The following PARPBP variants were observed in gnomAD, a reference collection of about 807,000 sequenced individuals.
PARPBP encodes PARP1 binding protein.
Under a neutral mutation model 50.0 loss-of-function variants are expected in PARPBP, and 52 were observed. The ratio of observed to expected loss-of-function variants is 1.04; its 90% CI spans 0.83 to 1.31. The LOEUF (loss-of-function observed/expected upper bound fraction) is 1.31, where lower values mean the gene tolerates loss of function less well. Ranked by LOEUF, PARPBP falls within the 50% of genes most tolerant of loss-of-function variation. The pLI, the probability that PARPBP is intolerant of heterozygous loss-of-function variation, is 0.00. For synonymous variants in PARPBP, 244 were observed against 232.1 expected (o/e 1.05, Z -0.47); for missense variants, 697 against 672.0 (o/e 1.04, Z -0.41).
chr12:102,159,734 C>CT (rs1168779698), intron 4 of PARPBP, among the ~76,000 whole-genome samples: 9 of 151,024 alleles, frequency 6.0e-5, no homozygotes, highest in African/African-American at 1.7e-4. Context: ...TTTTGTCCAA[C>CT]TTTTTTTTTG....
chr12:102,186,171 T>TA (rs946068616), intron 9 of PARPBP, among the ~76,000 whole-genome samples: 1 of 152,112 alleles, frequency 6.6e-6, no homozygotes, highest in Non-Finnish European at 1.5e-5. Context: ...TCTCCTTTTT[T>TA]AAAAAAATTT....
intron 2 of PARPBP, among the ~76,000 whole-genome samples, chr12:102,129,602 T>C (rs970627024): frequency 6.6e-6 from 1 of 152,208 alleles, no homozygotes; most frequent in Non-Finnish European, 1.5e-5. Flanking sequence ...ATTTAAGCCT[T>C]TAATACATTT....
intron 6 of PARPBP, among the ~76,000 whole-genome samples, chr12:102,174,218 T>C (rs567714676): frequency 6.6e-6 from 1 of 152,132 alleles, no homozygotes; most frequent in South Asian, 2.1e-4. Context: ...AATGCAAACA[T>C]TTAGTGCTCT....
At chr12:102,138,974 C>T (rs76646854) in intron 2 of PARPBP, among the ~76,000 whole-genome samples, 6,831 of 152,116 alleles carry the variant, frequency 0.045, 409 homozygotes, top group East Asian at 0.29. Flanking sequence ...AATGTGGGCT[C>T]TTTTTTGGTT....
In PARPBP at chr12:102,196,036, A is replaced by C. The variant is rs1212489821; in HGVS notation, c.1485A>C (p.Val495=). 5 of 1,611,400 alleles carry C rather than the reference A, an allele frequency of 3.1e-6. No individual in the cohort carries two copies. Among genetic ancestry groups the C allele is most frequent in the Non-Finnish European group, 4.2e-6 (5 of 1,178,498 alleles). The change falls in exon 11 of 11, where the codon GTA becomes GTC. Residue 495 remains valine, a synonymous_variant. Transcript: ENST00000327680. ...VHLDRSKNEK[V]SRKSTSQTGN... is the part of the protein sequence containing the mutation. ...TGGACAGAAGTAAAAATGAAAAAGT[A>C]TCAAGAAAATCAACCAGTCAGACAG...
chr12:102,175,619 CAAG>C lies in PARPBP; in HGVS notation c.962_964del (p.Glu321del). 4 of 1,613,514 alleles carry C rather than the reference CAAG, an allele frequency of 2.5e-6. No individual in the cohort carries two copies. Among genetic ancestry groups the C allele is most frequent in the Non-Finnish European group, 3.4e-6 (4 of 1,179,550 alleles). ...GAGGATTAAAAATATTATCAATTCTCAAGAAGGTGTTGTAGCTCTTAGCACCAC... is the reference window on the plus strand; with the variant it reads ...GAGGATTAAAAATATTATCAATTCTCAAGGTGTTGTAGCTCTTAGCACCAC... On this transcript the variant is annotated inframe_deletion, in exon 7 of 11. Coordinates refer to ENST00000327680, the MANE Select transcript of PARPBP (RefSeq NM_017915.5).
intron 2 of PARPBP, among the ~76,000 whole-genome samples, chr12:102,127,885 T>A (rs1396892401): frequency 6.6e-6 from 1 of 152,134 alleles, no homozygotes; most frequent in Non-Finnish European, 1.5e-5. Flanking sequence ...ACTTAATTTT[T>A]AAAAAAAATT....
intron 4 of PARPBP, among the ~76,000 whole-genome samples, chr12:102,157,714 G>C (rs1887110176): frequency 6.6e-6 from 1 of 152,142 alleles, no homozygotes; most frequent in African/African-American, 2.4e-5. Context: ...AGATCTGTGA[G>C]GTGACACTTT....
At chr12:102,175,201 A>G (rs1889144019) in intron 6 of PARPBP, among the ~76,000 whole-genome samples, 1 of 152,158 alleles carries the variant, frequency 6.6e-6, no homozygotes, top group Admixed American at 6.5e-5. Flanking sequence ...CATGTGTACA[A>G]CCACTTCTGA....
intron 1 of PARPBP, among the ~76,000 whole-genome samples, chr12:102,122,261 A>G (rs1384770860): frequency 2.6e-5 from 4 of 152,194 alleles, no homozygotes; most frequent in Admixed American, 2.6e-4. Flanking sequence ...TTTTGAAGAG[A>G]AATACAATTC....
intron 7 of PARPBP, among the ~76,000 whole-genome samples, chr12:102,175,874 T>C (rs748248995): frequency 1.3e-4 from 20 of 152,328 alleles, no homozygotes; most frequent in Middle Eastern, 3.4e-3. Flanking sequence ...GCCAAATTTC[T>C]GAATTTGTTA....
At chr12:102,156,889 G>C (rs948414478) in intron 4 of PARPBP, among the ~76,000 whole-genome samples, 16 of 151,948 alleles carry the variant, frequency 1.1e-4, no homozygotes, top group Non-Finnish European at 1.6e-4. Flanking sequence ...TGATCTGCCT[G>C]CCTTGGTCTC....
chr12:102,169,071 C>T (rs1888432143), intron 6 of PARPBP, among the ~76,000 whole-genome samples: 1 of 152,108 alleles, frequency 6.6e-6, no homozygotes, highest in Admixed American at 6.6e-5. Flanking sequence ...CCAGAATAGA[C>T]AGTCAATATT....
chr12:102,120,897 A>G (rs867426408), intron 1 of PARPBP, among the ~76,000 whole-genome samples: 5 of 152,206 alleles, frequency 3.3e-5, no homozygotes, highest in Non-Finnish European at 7.3e-5. Flanking sequence ...TCGGAAGTGT[A>G]GTTCTTTCAA....
intron 9 of PARPBP, among the ~76,000 whole-genome samples, chr12:102,187,799 A>T (rs947040282): frequency 2.6e-5 from 4 of 152,204 alleles, no homozygotes; most frequent in African/African-American, 4.8e-5. Flanking sequence ...TCATGAGGAT[A>T]TAGTACGTCA....
intron 9 of PARPBP, 81 bp from the exon 10 acceptor site, chr12:102,195,231 C>A: frequency 1.2e-6 from 1 of 858,972 alleles, no homozygotes; most frequent in Non-Finnish European, 1.8e-6. Flanking sequence ...ACCTTGATTA[C>A]TATAGAGTGT....
At chr12:102,137,344 T>C (rs968685841) in intron 2 of PARPBP, among the ~76,000 whole-genome samples, 1 of 152,056 alleles carries the variant, frequency 6.6e-6, no homozygotes, top group Admixed American at 6.6e-5. Context: ...CCTAGTAGAG[T>C]TGTTAGTCTG....
At chr12:102,142,466 A>G (rs1054494424) in intron 2 of PARPBP, among the ~76,000 whole-genome samples, 8 of 152,164 alleles carry the variant, frequency 5.3e-5, no homozygotes, top group South Asian at 2.1e-4. Flanking sequence ...GTTATTACCA[A>G]TCGTCTGAAG....
chr12:102,148,114 AAAATTGAATGTAG>A, intron 2 of PARPBP, 103 bp from the exon 3 acceptor site: 2 of 516,298 alleles, frequency 3.9e-6, no homozygotes, highest in Admixed American at 7.6e-5. Flanking sequence ...CAAACCCACA[AAAATTGAATGTAG>A]ACTTTACCAA....
Sources: gnomAD v4.1 joint callset for allele counts (sites outside exome capture counted in the v4.1 genomes callset) on GRCh38, gnomAD v4.1.1 for gene constraint, MANE v1.5 for transcripts, NCBI Gene and HGNC (gene_info 2026-07-23, HGNC 2026-07-21) for gene names.